Variants in ANXA4 observed in about 807,000 individuals in gnomAD.
ANXA4 encodes the protein 35-beta calcimedin.
In ANXA4, 39 loss-of-function variants were observed where a neutral mutation model predicts 49.8. That is an observed-to-expected ratio of 0.78 (90% confidence interval 0.61 to 1.02). ANXA4 has a LOEUF of 1.02. ANXA4 is among the 50% of genes least tolerant of loss of function. ANXA4 has a pLI of 0.00. For missense variants in ANXA4, 360 were observed against 410.1 expected (o/e 0.88, Z 1.05); for synonymous variants, 134 against 152.5 (o/e 0.88, Z 0.89).
intron 2 of ANXA4, among the ~76,000 whole-genome samples, chr2:69,716,102 C>T (rs1368076925): frequency 6.6e-6 from 1 of 152,198 alleles, no homozygotes; most frequent in Non-Finnish European, 1.5e-5. Context: ...TGAGTACAGT[C>T]TCCTCTAGCA....
At chr2:69,806,104 T>G (rs2103818252) in intron 4 of ANXA4, among the ~76,000 whole-genome samples, 2 of 152,322 alleles carry the variant, frequency 1.3e-5, no homozygotes, top group East Asian at 3.9e-4. Flanking sequence ...GAAGAAAATC[T>G]GGCTTGTACA....
Position 69,663,216 on chromosome 2 carries a change from G to A in ANXA4, n.766+9934G>A, listed in dbSNP as rs191799702. On this transcript the variant is annotated intron_variant and non_coding_transcript_variant, in intron 2 of 3. Transcript: ENST00000418066. ...TCACCATGTTAGCCAGGATGGTCTC[G>A]ATCTCCTGACCTCATGATCCTCCCG... Among the ~76,000 whole-genome samples the A allele has an allele frequency of 5.9e-3, 845 of 142,584 alleles. 16 individuals carry two copies. Among genetic ancestry groups the A allele is most frequent in the East Asian group, 0.012 (56 of 4,732 alleles). The allele number at this position is 142,584 out of a possible 152,430, so 93.5% of individuals were successfully genotyped here. A position where few individuals can be genotyped will look rare whatever the true frequency, so the allele number is the denominator to read the frequency against.
chr2:69,744,351 C>T (rs1356064891), intron 1 of ANXA4, among the ~76,000 whole-genome samples: 1 of 152,114 alleles, frequency 6.6e-6, no homozygotes, highest in Non-Finnish European at 1.5e-5. Context: ...AGGAGATTTT[C>T]TTTGAGTGTC....
At chr2:69,764,150 A>G (rs950533834) in intron 1 of ANXA4, among the ~76,000 whole-genome samples, 1 of 152,224 alleles carries the variant, frequency 6.6e-6, no homozygotes, top group Non-Finnish European at 1.5e-5. Context: ...GATAGAACAG[A>G]CAAGAACTGG....
chr2:69,713,042 A>G (rs906703210), intron 2 of ANXA4, among the ~76,000 whole-genome samples: 2 of 152,124 alleles, frequency 1.3e-5, no homozygotes, highest in Admixed American at 6.6e-5. Context: ...TGCTCACTTT[A>G]TACAACACCA....
chr2:69,810,861 T>C (rs1673676112), intron 7 of ANXA4, 188 bp downstream of exon 7: 2 of 580,360 alleles, frequency 3.4e-6, no homozygotes, highest in African/African-American at 3.7e-5. Flanking sequence ...CCATTTTTTC[T>C]ACTTTAATTT....
At chr2:69,808,261 T>G (rs1673534934) in intron 6 of ANXA4, 1 of 381,478 alleles carries the variant, frequency 2.6e-6, no homozygotes, top group Non-Finnish European at 4.9e-6. Flanking sequence ...AGTTGTTCCT[T>G]ATTATCAGAC....
At chr2:69,768,935 C>CAA (rs1017001488) in intron 1 of ANXA4, among the ~76,000 whole-genome samples, 3 of 150,626 alleles carry the variant, frequency 2.0e-5, no homozygotes, top group African/African-American at 7.3e-5. Flanking sequence ...AAACAAAAAA[C>CAA]AAAAAAAAAC....
At chr2:69,737,517 A>G (rs1185421853), upstream of ANXA4, among the ~76,000 whole-genome samples, 2 of 151,552 alleles carry the variant, frequency 1.3e-5, no homozygotes, top group African/African-American at 2.4e-5. Context: ...TTAACATTCT[A>G]CTCAGTTTTT....
At chr2:69,688,795 C>T (rs1393017958) in intron 2 of ANXA4, among the ~76,000 whole-genome samples, 1 of 152,138 alleles carries the variant, frequency 6.6e-6, no homozygotes, top group African/African-American at 2.4e-5. Context: ...CATGATCTGA[C>T]TTATTTCCTT....
chr2:69,707,042 C>T (rs1175517620), intron 2 of ANXA4, among the ~76,000 whole-genome samples: 8 of 152,116 alleles, frequency 5.3e-5, no homozygotes, highest in African/African-American at 9.7e-5. Context: ...TTGCTAGATT[C>T]GATTTGCTAG....
chr2:69,750,070 C>T (rs1431315797), intron 1 of ANXA4, among the ~76,000 whole-genome samples: 4 of 151,938 alleles, frequency 2.6e-5, no homozygotes, highest in South Asian at 2.1e-4. Context: ...TTGTTATGTA[C>T]TTATTTGTAC....
At chr2:69,814,743 G>GGTATGT (rs1168131518) in intron 8 of ANXA4, 52 of 123,678 alleles carry the variant, frequency 4.2e-4, no homozygotes, top group African/African-American at 1.8e-3. Flanking sequence ...GACACAGAGG[G>GGTATGT]GTGTGTGTGT....
intron 3 of ANXA4, among the ~76,000 whole-genome samples, chr2:69,798,464 G>C (rs888456365): frequency 1.3e-5 from 2 of 152,206 alleles, no homozygotes; most frequent in African/African-American, 4.8e-5. Context: ...TCAGAGGCTG[G>C]GGTCAGTCCA....
At chr2:69,733,024 C>A (rs1243434871) in intron 3 of ANXA4, among the ~76,000 whole-genome samples, 1 of 152,016 alleles carries the variant, frequency 6.6e-6, no homozygotes, top group South Asian at 2.1e-4. Context: ...GTTTTCTTTG[C>A]AAATAAATAT....
At chr2:69,685,288 C>G (rs1029451506) in intron 2 of ANXA4, among the ~76,000 whole-genome samples, 2 of 152,104 alleles carry the variant, frequency 1.3e-5, no homozygotes, top group African/African-American at 4.8e-5. Flanking sequence ...GAGTTACCAG[C>G]CCAGTACCTC....
chr2:69,809,997 C>T (rs1673628964), intron 6 of ANXA4: 1 of 153,260 alleles, frequency 6.5e-6, no homozygotes, highest in African/African-American at 2.4e-5. Context: ...CAGATCGGAC[C>T]CCTGGGTGGC....
intron 1 of ANXA4, among the ~76,000 whole-genome samples, chr2:69,753,786 A>G (rs1461976856): frequency 3.3e-5 from 5 of 152,232 alleles, no homozygotes; most frequent in African/African-American, 4.8e-5. Context: ...ACCAAACCCA[A>G]TCTCCAAACA....
chr2:69,713,968 G>A (rs1678777708), intron 2 of ANXA4: 1 of 152,272 alleles, frequency 6.6e-6, no homozygotes, highest in Admixed American at 6.5e-5. Flanking sequence ...GAATATGGAA[G>A]GAGCTCTACT....
Sources: gnomAD v4.1 joint callset for allele counts (sites outside exome capture counted in the v4.1 genomes callset) on GRCh38, gnomAD v4.1.1 for gene constraint, MANE v1.5 for transcripts, NCBI Gene and HGNC (gene_info 2026-07-23, HGNC 2026-07-21) for gene names.